ALOX5: variants seen among roughly 807,000 people sequenced by gnomAD.
ALOX5 encodes arachidonate 5-lipoxygenase.
ALOX5 carries 64 observed loss-of-function variants against 87.9 expected under a neutral mutation model. The observed-to-expected ratio is 0.73, with a 90% CI of 0.60 to 0.90. The LOEUF is 0.90. Among genes scored for constraint, ALOX5 ranks in the 40% least tolerant of loss-of-function variants. The pLI, the probability that ALOX5 is intolerant of heterozygous loss-of-function variation, is 0.00. For missense variants in ALOX5, 822 were observed against 907.5 expected, an observed-to-expected ratio of 0.91 and a Z score of 1.21; for synonymous variants, 388 against 355.1, an observed-to-expected ratio of 1.09 and a Z score of -1.04.
At position 45,385,540 on chromosome 10, in the gene ALOX5, C is replaced by T. The variant is rs560707949; in HGVS notation, c.349+2859C>T. 5.9e-5 allele frequency among the ~76,000 whole-genome samples: 9 copies of T among 152,258 alleles called. No homozygotes were observed. In the South Asian group the frequency reaches 8.3e-4, roughly 14 times the overall value. ...TTTGAAACTTGGCATGTTGCAATTC[C>T]GCATGTACTGACTTATTCATACCAG... On this transcript the variant is annotated intron_variant, in intron 2 of 13. Coordinates refer to ENST00000374391, the MANE Select transcript of ALOX5 (RefSeq NM_000698.5).
At chr10:45,431,893 G>C (rs1377961936) in intron 7 of ALOX5, among the ~76,000 whole-genome samples, 1 of 151,988 alleles carries the variant, frequency 6.6e-6, no homozygotes, top group Non-Finnish European at 1.5e-5. Context: ...TATTTTAAAG[G>C]ATATACAATG....
chr10:45,431,677 A>G (rs1841907279), intron 7 of ALOX5, among the ~76,000 whole-genome samples: 1 of 151,876 alleles, frequency 6.6e-6, no homozygotes, highest in African/African-American at 2.4e-5. Context: ...GGTTCAAGCA[A>G]TTCTCCTGCC....
chr10:45,435,077 G>T (rs1411701786), intron 7 of ALOX5, among the ~76,000 whole-genome samples: 1 of 152,212 alleles, frequency 6.6e-6, no homozygotes. Flanking sequence ...TCCTGGACAG[G>T]AGTGGGAGGA....
intron 3 of ALOX5, among the ~76,000 whole-genome samples, chr10:45,402,622 A>C (rs1840741590): frequency 6.6e-6 from 1 of 152,228 alleles, no homozygotes. Context: ...TCCAGGTCTC[A>C]AGCTAAAAGG....
intron 1 of ALOX5, 27 bp downstream of exon 1, chr10:45,374,456 G>C (rs1839507643): frequency 5.9e-6 from 9 of 1,513,296 alleles, no homozygotes; most frequent in Admixed American, 2.3e-5. Context: ...CACGGGTGGA[G>C]CGCGGGCTGA....
intron 7 of ALOX5, among the ~76,000 whole-genome samples, chr10:45,439,881 A>G (rs908933616): frequency 6.6e-6 from 1 of 152,128 alleles, no homozygotes. Flanking sequence ...CAAGCTGCAG[A>G]CCCTGATCTG....
chr10:45,386,485 A>G (rs1047876531), intron 2 of ALOX5, among the ~76,000 whole-genome samples: 4 of 151,832 alleles, frequency 2.6e-5, no homozygotes, highest in Admixed American at 2.0e-4. Flanking sequence ...ATAAAAATAA[A>G]ATAAATACAA....
At chr10:45,389,644 G>A (rs1347081315) in intron 2 of ALOX5, among the ~76,000 whole-genome samples, 1 of 152,228 alleles carries the variant, frequency 6.6e-6, no homozygotes, top group East Asian at 1.9e-4. Flanking sequence ...AGCAAATGCT[G>A]AGAGATTTTG....
intron 3 of ALOX5, among the ~76,000 whole-genome samples, chr10:45,406,000 G>C (rs1184419553): frequency 6.6e-6 from 1 of 152,122 alleles, no homozygotes; most frequent in Non-Finnish European, 1.5e-5. Flanking sequence ...TCCTGACTTG[G>C]ATGACAGGGA....
intron 2 of ALOX5, among the ~76,000 whole-genome samples, chr10:45,392,662 C>G (rs1475745394): frequency 1.3e-5 from 2 of 151,268 alleles, no homozygotes; most frequent in Non-Finnish European, 2.9e-5. Flanking sequence ...TCCTATGACC[C>G]TGCCAAATCC....
intron 1 of ALOX5, among the ~76,000 whole-genome samples, chr10:45,378,832 C>T (rs1839724543): frequency 6.6e-6 from 1 of 152,188 alleles, no homozygotes; most frequent in South Asian, 2.1e-4. Flanking sequence ...AGGAAAGTGG[C>T]TGGGCTGGCC....
rs28395858 is a variant in ALOX5, at chr10:45,423,945, G to A, written c.555-96G>A. 2,587 of 927,324 alleles carry A rather than the reference G, an allele frequency of 2.8e-3. 34 individuals carry two copies. In the African/African-American group the frequency reaches 0.033, roughly 12 times the overall value. The allele number at this position is 927,324 out of a possible 1,614,324, so 57.4% of individuals were successfully genotyped here. ...CTCTGCAGAGCTGCCTGGAGGGGGC[G>A]GGGGTTGTGAGGACCCCTGAGAGCT... is the stretch of plus-strand genomic sequence containing the variant. On this transcript the variant is annotated intron_variant, in intron 4 of 13. Coordinates refer to ENST00000374391, the MANE Select transcript of ALOX5 (RefSeq NM_000698.5).
chr10:45,379,401 C>T (rs142747163), intron 1 of ALOX5, among the ~76,000 whole-genome samples: 436 of 152,352 alleles, frequency 2.9e-3, no homozygotes, highest in Non-Finnish European at 4.5e-3. Context: ...CAGACTTGCT[C>T]TGCCTGCCCC....
chr10:45,438,471 CGGCCCCAGA>C (rs1362882165), intron 7 of ALOX5, among the ~76,000 whole-genome samples: 4 of 152,064 alleles, frequency 2.6e-5, no homozygotes, highest in Non-Finnish European at 5.9e-5. Context: ...GGGGGCTCCT[CGGCCCCAGA>C]GGATGTCAGG....
intron 4 of ALOX5, among the ~76,000 whole-genome samples, chr10:45,421,457 G>A (rs186725491): frequency 7.6e-4 from 116 of 152,354 alleles, no homozygotes; most frequent in African/African-American, 2.4e-3. Context: ...CAGGGCTCTC[G>A]GGGCCTGCGT....
intron 5 of ALOX5, among the ~76,000 whole-genome samples, chr10:45,424,697 C>T (rs1841632150): frequency 2.0e-5 from 3 of 152,214 alleles, no homozygotes. Context: ...CTTCTTCCAT[C>T]CTGGACACTC....
At chr10:45,376,395 C>T (rs1487216977) in intron 1 of ALOX5, among the ~76,000 whole-genome samples, 1 of 152,124 alleles carries the variant, frequency 6.6e-6, no homozygotes, top group Admixed American at 6.5e-5. Context: ...CTGAAAGTTT[C>T]CTTGAAAAAA....
At chr10:45,389,113 T>C (rs1449416280) in intron 2 of ALOX5, among the ~76,000 whole-genome samples, 1 of 151,922 alleles carries the variant, frequency 6.6e-6, no homozygotes, top group Non-Finnish European at 1.5e-5. Flanking sequence ...ATCAAATGAA[T>C]GAAATGAAGC....
rs567536546 is a variant in ALOX5 at position 45,374,511 on chromosome 10, G to C, written c.150+82G>C. The C allele has an allele frequency of 4.6e-6, 6 of 1,302,594 alleles. No homozygotes were observed. The East Asian group carries it at 9.1e-5, about 20-fold the overall frequency. 80.7% of individuals were successfully genotyped at this position (1,302,594 alleles called of 1,614,324 possible). On this transcript the variant is annotated intron_variant, in intron 1 of 13. Transcript: ENST00000374391. ...TTGGACGGCAGAGGCCTGGGCGGGG[G>C]CGCCGAGGGCCCGTCGGGGCGGCCC...
Sources: allele counts gnomAD v4.1 joint callset (sites outside exome capture counted in the v4.1 genomes callset), GRCh38; gene constraint gnomAD v4.1.1; transcripts MANE v1.5; gene names NCBI Gene and HGNC (gene_info 2026-07-23, HGNC 2026-07-21).